RBFOX1: variants seen among roughly 807,000 people sequenced by gnomAD.
The protein encoded by RBFOX1 is RNA binding protein fox-1 homolog 1.
A neutral mutation model predicts 57.7 loss-of-function variants in RBFOX1; 8 were observed. The ratio of observed to expected loss-of-function variants is 0.14; its 90% CI spans 0.08 to 0.25. The LOEUF (loss-of-function observed/expected upper bound fraction) is 0.25. Ranked by LOEUF, RBFOX1 falls within the 10% of genes least tolerant of loss-of-function variation. RBFOX1 has a pLI of 1.00. For synonymous variants in RBFOX1, 326 were observed against 222.4 expected (o/e 1.47, Z -4.15); for missense variants, 611 against 548.5 (o/e 1.11, Z -1.14).
At chr16:6,930,476 C>T (rs1011526977) in intron 3 of RBFOX1, among the ~76,000 whole-genome samples, 1 of 151,578 alleles carries the variant, frequency 6.6e-6, no homozygotes, top group African/African-American at 2.4e-5. Flanking sequence ...GTGGTGTGAT[C>T]TCGGCTCACT....
intron 1 of RBFOX1, among the ~76,000 whole-genome samples, chr16:6,315,575 GGATA>G (rs1055996231): frequency 6.3e-5 from 4 of 63,942 alleles, no homozygotes; most frequent in African/African-American, 9.2e-5. Flanking sequence ...ATGGATGGAT[GGATA>G]GATGGATGGA....
chr16:6,521,199 T>A (rs1305824883), intron 2 of RBFOX1, among the ~76,000 whole-genome samples: 2 of 152,026 alleles, frequency 1.3e-5, no homozygotes, highest in African/African-American at 4.8e-5. Context: ...ATTGCTTAAA[T>A]TATAGCAAAT....
chr16:6,008,650 GGGAA>G (rs2094941640), intron 4 of RBFOX1, among the ~76,000 whole-genome samples: 1 of 152,174 alleles, frequency 6.6e-6, no homozygotes, highest in Non-Finnish European at 1.5e-5. Context: ...ATGGAGCAGA[GGGAA>G]GGGTTAACTG....
intron 3 of RBFOX1, among the ~76,000 whole-genome samples, chr16:6,872,546 A>G (rs761491642): frequency 9.2e-5 from 14 of 152,246 alleles, no homozygotes; most frequent in Non-Finnish European, 1.9e-4. Context: ...TCCTGTTTAT[A>G]TTGGAAACAT....
chr16:6,524,513 A>C (rs1285689572), intron 2 of RBFOX1, among the ~76,000 whole-genome samples: 2 of 152,170 alleles, frequency 1.3e-5, no homozygotes, highest in African/African-American at 2.4e-5. Flanking sequence ...TCAAGTTCCT[A>C]GTAAACATTT....
chr16:6,950,677 G>A (rs2080537655), intron 3 of RBFOX1, among the ~76,000 whole-genome samples: 1 of 152,102 alleles, frequency 6.6e-6, no homozygotes, highest in Non-Finnish European at 1.5e-5. Context: ...TGAGGTTCAG[G>A]TTGAGTTGAA....
At chr16:6,150,611 G>A (rs561196468) in intron 1 of RBFOX1, among the ~76,000 whole-genome samples, 1 of 152,208 alleles carries the variant, frequency 6.6e-6, no homozygotes, top group East Asian at 1.9e-4. Flanking sequence ...TATTTTCTCT[G>A]CATATTCTGT....
chr16:7,234,043 A>G lies in RBFOX1; in HGVS notation c.27+181945A>G, dbSNP rs1409422310. ...TGAGACAACATCAAGGAGTTACATT[A>G]TCATGAGAAGAGAGGGGTTGCATGG... On this transcript the variant is annotated intron_variant, in intron 4 of 15. Coordinates refer to ENST00000550418, the MANE Select transcript of RBFOX1 (RefSeq NM_018723.4). Among the ~76,000 whole-genome samples, 6 of 152,210 alleles carry G rather than the reference A, an allele frequency of 3.9e-5. No homozygotes were observed. In the East Asian group the frequency reaches 1.2e-3, roughly 29 times the overall value.
At chr16:7,519,594 C>T in intron 5 of RBFOX1, 1 of 479,092 alleles carries the variant, frequency 2.1e-6, no homozygotes, top group Non-Finnish European at 2.7e-6. Context: ...TGTGTGCCAC[C>T]TAAAGTAATC....
intron 4 of RBFOX1, among the ~76,000 whole-genome samples, chr16:5,909,090 C>CTTTGT (rs2058549500): frequency 6.9e-5 from 8 of 116,390 alleles, no homozygotes; most frequent in Non-Finnish European, 1.2e-4. Flanking sequence ...CTAAGCCCCC[C>CTTTGT]TTTTTTTTTT....
intron 1 of RBFOX1, among the ~76,000 whole-genome samples, chr16:6,316,206 A>G (rs1381801068): frequency 2.6e-5 from 4 of 152,012 alleles, no homozygotes; most frequent in African/African-American, 9.7e-5. Flanking sequence ...TGCCGTAAAC[A>G]TCTTTCAGAT....
At position 7,509,928 on chromosome 16, in the gene RBFOX1, A is replaced by C. The variant is rs139985128; in HGVS notation, c.28-8219A>C. On this transcript the variant is annotated intron_variant, in intron 4 of 15. Coordinates refer to ENST00000550418, the MANE Select transcript of RBFOX1 (RefSeq NM_018723.4). ...GGCGATGCATAGAATCGCATTTCTA[A>C]TGTTTTTTAAACAGCTATTAATGTG... Among the ~76,000 whole-genome samples, 3 of 150,660 alleles carry C rather than the reference A, an allele frequency of 2.0e-5. No individual in the cohort carries two copies. In the East Asian group the frequency reaches 5.8e-4, roughly 29 times the overall value.
At chr16:5,848,805 T>C (rs1030588361) in intron 3 of RBFOX1, among the ~76,000 whole-genome samples, 3 of 151,786 alleles carry the variant, frequency 2.0e-5, no homozygotes, top group Non-Finnish European at 4.4e-5. Flanking sequence ...AAAAATTAGC[T>C]GGGCATGGTG....
chr16:7,561,003 C>T (rs1348561142), intron 5 of RBFOX1, among the ~76,000 whole-genome samples: 1 of 152,282 alleles, frequency 6.6e-6, no homozygotes, highest in East Asian at 1.9e-4. Context: ...ATTCATTTCT[C>T]CTCCACAAAG....
At chr16:6,562,771 A>C (rs1242928083) in intron 2 of RBFOX1, among the ~76,000 whole-genome samples, 1 of 151,484 alleles carries the variant, frequency 6.6e-6, no homozygotes, top group African/African-American at 2.4e-5. Flanking sequence ...TTTCTTTCTA[A>C]TTGAGAAAGC....
chr16:6,622,604 G>T (rs1450975878), intron 2 of RBFOX1, among the ~76,000 whole-genome samples: 2 of 152,146 alleles, frequency 1.3e-5, no homozygotes, highest in Admixed American at 6.5e-5. Context: ...AACATTTGTG[G>T]TTTATTGACT....
At chr16:6,269,007 C>G (rs575563844) in intron 1 of RBFOX1, among the ~76,000 whole-genome samples, 2 of 152,268 alleles carry the variant, frequency 1.3e-5, no homozygotes, top group South Asian at 4.1e-4. Flanking sequence ...TCTCTCACTT[C>G]AAGCATTTAT....
At chr16:5,803,649 C>G (rs2055132746) in intron 3 of RBFOX1, among the ~76,000 whole-genome samples, 1 of 152,080 alleles carries the variant, frequency 6.6e-6, no homozygotes, top group Non-Finnish European at 1.5e-5. Flanking sequence ...TAATAAAGTG[C>G]TAGAATTCTA....
chr16:5,873,363 C>T (rs2057525247), intron 4 of RBFOX1, among the ~76,000 whole-genome samples: 2 of 152,134 alleles, frequency 1.3e-5, no homozygotes, highest in African/African-American at 4.8e-5. Context: ...GGACAAGATC[C>T]ACTTGAAGAT....
Sources: allele counts gnomAD v4.1 joint callset (sites outside exome capture counted in the v4.1 genomes callset), GRCh38; gene constraint gnomAD v4.1.1; transcripts MANE v1.5; gene names NCBI Gene and HGNC (gene_info 2026-07-23, HGNC 2026-07-21).